The following ADAMTS6 variants were observed in gnomAD, a reference collection of about 807,000 sequenced individuals.
The protein encoded by ADAMTS6 is A disintegrin and metalloproteinase with thrombospondin motifs 6.
Under a neutral mutation model 144.3 loss-of-function variants are expected in ADAMTS6, and 23 were observed. That is an observed-to-expected ratio of 0.16 (90% confidence interval 0.11 to 0.23). The LOEUF is 0.23. Among genes scored for constraint, ADAMTS6 ranks in the 10% least tolerant of loss-of-function variants. The pLI, the probability that ADAMTS6 is intolerant of heterozygous loss-of-function variation, is 1.00. For synonymous variants in ADAMTS6, 444 were observed against 457.5 expected (o/e 0.97, Z 0.38); for missense variants, 999 against 1,379.6 (o/e 0.72, Z 4.37).
intron 23 of ADAMTS6, among the ~76,000 whole-genome samples, 153 bp from the exon 24 acceptor site, chr5:65,170,926 G>C (rs991747501): frequency 1.6e-5 from 1 of 63,712 alleles, no homozygotes; most frequent in African/African-American, 9.3e-5. Context: ...GGCTGGTCTC[G>C]AACCTGACCT....
At chr5:65,408,130 T>C (rs1014736727) in intron 7 of ADAMTS6, among the ~76,000 whole-genome samples, 1 of 152,054 alleles carries the variant, frequency 6.6e-6, no homozygotes, top group Non-Finnish European at 1.5e-5. Flanking sequence ...AATGACAGGA[T>C]CAAATTCACA....
chr5:65,221,822 G>T (rs1757342728), intron 18 of ADAMTS6, among the ~76,000 whole-genome samples: 1 of 151,878 alleles, frequency 6.6e-6, no homozygotes, highest in Non-Finnish European at 1.5e-5. Context: ...AATATAAAAA[G>T]AAATAAACTA....
At chr5:65,351,544 T>C (rs1436783325) in intron 7 of ADAMTS6, among the ~76,000 whole-genome samples, 1 of 152,220 alleles carries the variant, frequency 6.6e-6, no homozygotes, top group African/African-American at 2.4e-5. Context: ...TGTTTGAATG[T>C]TTATGGATAA....
At chr5:65,251,802 T>C (rs111887897) in intron 14 of ADAMTS6, 128 of 152,334 alleles carry the variant, frequency 8.4e-4, no homozygotes, top group African/African-American at 2.9e-3. Context: ...TGATCTATTC[T>C]TAAATTCTTA....
chr5:65,323,075 G>C (rs1296384614), intron 9 of ADAMTS6, among the ~76,000 whole-genome samples: 1 of 152,050 alleles, frequency 6.6e-6, no homozygotes, highest in Non-Finnish European at 1.5e-5. Flanking sequence ...GGCATTAAAA[G>C]AAAATTACAA....
chr5:65,256,961 T>TCTCTCTCTCTC (rs1554056689), intron 14 of ADAMTS6, among the ~76,000 whole-genome samples: 1 of 118,042 alleles, frequency 8.5e-6, no homozygotes, highest in Non-Finnish European at 1.7e-5. Flanking sequence ...GGGTCACTTT[T>TCTCTCTCTCTC]TCTCTCTCTC....
At chr5:65,424,007 T>A (rs1392994289) in intron 7 of ADAMTS6, among the ~76,000 whole-genome samples, 1 of 152,186 alleles carries the variant, frequency 6.6e-6, no homozygotes, top group Non-Finnish European at 1.5e-5. Flanking sequence ...GCAGCATTTA[T>A]AAGAACTAAG....
At chr5:65,389,587 C>T (rs1580574625) in intron 7 of ADAMTS6, among the ~76,000 whole-genome samples, 1 of 151,452 alleles carries the variant, frequency 6.6e-6, no homozygotes, top group African/African-American at 2.4e-5. Context: ...GGAGTCTGTA[C>T]ATTTCTCTTT....
intron 7 of ADAMTS6, among the ~76,000 whole-genome samples, chr5:65,339,356 A>T (rs1747605514): frequency 1.3e-5 from 2 of 152,152 alleles, no homozygotes; most frequent in Admixed American, 6.6e-5. Flanking sequence ...TATATGGATT[A>T]ATCTTTCCCT....
At chr5:65,328,778 T>TA (rs1554071035) in intron 9 of ADAMTS6, among the ~76,000 whole-genome samples, 1 of 150,872 alleles carries the variant, frequency 6.6e-6, no homozygotes, top group African/African-American at 2.5e-5. Flanking sequence ...TTTGCATGGG[T>TA]GGGGGCAGGG....
chr5:65,265,879 T>A (rs981439404), intron 12 of ADAMTS6, among the ~76,000 whole-genome samples: 8 of 151,788 alleles, frequency 5.3e-5, no homozygotes, highest in African/African-American at 1.4e-4. Flanking sequence ...CGTAAAAAAA[T>A]TAGTGGTAAA....
chr5:65,152,921 G>A (rs1280190620), intron 24 of ADAMTS6, among the ~76,000 whole-genome samples: 2 of 152,138 alleles, frequency 1.3e-5, no homozygotes, highest in East Asian at 1.9e-4. Context: ...ATTTTTCCAG[G>A]TAGTTATACT....
At chr5:65,265,059 C>T (rs1049143315) in intron 12 of ADAMTS6, among the ~76,000 whole-genome samples, 3 of 151,888 alleles carry the variant, frequency 2.0e-5, no homozygotes, top group Admixed American at 6.6e-5. Context: ...AACAGCATAA[C>T]GGACTTTTTA....
At chr5:65,300,732 C>A (rs564583070) in intron 9 of ADAMTS6, among the ~76,000 whole-genome samples, 1 of 151,940 alleles carries the variant, frequency 6.6e-6, no homozygotes, top group South Asian at 2.1e-4. Context: ...CCCGGGTTCA[C>A]GCCATTGTCC....
intron 9 of ADAMTS6, among the ~76,000 whole-genome samples, chr5:65,317,181 G>T (rs2112865639): frequency 6.6e-6 from 1 of 152,238 alleles, no homozygotes; most frequent in African/African-American, 2.4e-5. Flanking sequence ...GAGTGAAAAG[G>T]AGAAGTAGAC....
intron 7 of ADAMTS6, among the ~76,000 whole-genome samples, chr5:65,403,264 G>A (rs796299141): frequency 2.0e-5 from 3 of 152,072 alleles, no homozygotes; most frequent in African/African-American, 7.2e-5. Context: ...AAACACTGAA[G>A]GAATCCAGAC....
intron 7 of ADAMTS6, among the ~76,000 whole-genome samples, chr5:65,371,005 C>G (rs539428246): frequency 9.5e-4 from 145 of 151,938 alleles, no homozygotes; most frequent in Non-Finnish European, 1.7e-3. Flanking sequence ...CACCCCCCAG[C>G]AGGGGCACAC....
intron 7 of ADAMTS6, among the ~76,000 whole-genome samples, chr5:65,435,292 G>T (rs192701299): frequency 2.4e-4 from 37 of 152,266 alleles, no homozygotes; most frequent in Middle Eastern, 6.8e-3. Context: ...CAGGATAGTG[G>T]TTACCTCAAA....
At chr5:65,329,185 A>G (rs1388057526) in intron 9 of ADAMTS6, among the ~76,000 whole-genome samples, 193 bp downstream of exon 9, 1 of 152,158 alleles carries the variant, frequency 6.6e-6, no homozygotes, top group African/African-American at 2.4e-5. Context: ...TACTCTTTGA[A>G]TAACAAAGAT....
Sources: allele counts gnomAD v4.1 joint callset (sites outside exome capture counted in the v4.1 genomes callset), GRCh38; gene constraint gnomAD v4.1.1; transcripts MANE v1.5; gene names NCBI Gene and HGNC (gene_info 2026-07-23, HGNC 2026-07-21).